MAPK8IP3: variants seen among roughly 807,000 people sequenced by gnomAD.
MAPK8IP3 encodes mitogen-activated protein kinase 8 interacting protein 3.
Under a neutral mutation model 157.8 loss-of-function variants are expected in MAPK8IP3, and 49 were observed. That is an observed-to-expected ratio of 0.31 (90% CI 0.25 to 0.39). The LOEUF (loss-of-function observed/expected upper bound fraction) is 0.39. MAPK8IP3 is among the 10% of genes least tolerant of loss of function. The probability of loss-of-function intolerance (pLI) is 1.00; values close to 1 mark genes in which losing one functional copy is unlikely to be tolerated. For missense variants in MAPK8IP3, 1,478 were observed against 1,889.4 expected, an observed-to-expected ratio of 0.78 and a Z score of 4.04; for synonymous variants, 897 against 777.7, an observed-to-expected ratio of 1.15 and a Z score of -2.55.
At position 1,741,201 on chromosome 16, in the gene MAPK8IP3, C is replaced by A. The variant is rs566491669; in HGVS notation, c.603-2131C>A. Among the ~76,000 whole-genome samples, 22 of 152,322 alleles carry A rather than the reference C, an allele frequency of 1.4e-4. No homozygotes were observed. In the East Asian group the frequency reaches 3.9e-3, roughly 27 times the overall value. ...AGCGTGACCCCCGAGGGTGGCGTGA[C>A]CCCTGGGGGTGGTGGTCTCTGAACT... On this transcript the variant is annotated intron_variant, in intron 4 of 31. Transcript: ENST00000610761. This position sits in a 1 kb window ranked among gnomAD's most constrained non-coding sequence, Gnocchi z 6.9.
At chr16:1,735,742 ACCGT>A (rs2039694228) in intron 4 of MAPK8IP3, among the ~76,000 whole-genome samples, 1 of 121,036 alleles carries the variant, frequency 8.3e-6, no homozygotes, top group Non-Finnish European at 1.7e-5. Flanking sequence ...TGAGAGTGTG[ACCGT>A]CCATGTGAGC....
intron 4 of MAPK8IP3, among the ~76,000 whole-genome samples, chr16:1,739,770 G>C (rs2040511344): frequency 8.1e-6 from 1 of 123,420 alleles, no homozygotes; most frequent in African/African-American, 3.2e-5. Context: ...GTCCATGTGA[G>C]CGTGTCACCG....
At chr16:1,735,504 AC>A (rs1309831390) in intron 4 of MAPK8IP3, among the ~76,000 whole-genome samples, 1 of 124,624 alleles carries the variant, frequency 8.0e-6, no homozygotes, top group African/African-American at 3.4e-5. Flanking sequence ...CGTCCGTGTG[AC>A]CATCCGTGTG....
chr16:1,761,534 G>C (rs541470149), intron 13 of MAPK8IP3, among the ~76,000 whole-genome samples: 3 of 143,446 alleles, frequency 2.1e-5, no homozygotes, highest in African/African-American at 8.1e-5. Flanking sequence ...ACCATTCACA[G>C]GCAGGGCGGC....
chr16:1,745,533 G>A (rs920657050), intron 5 of MAPK8IP3: 2 of 152,388 alleles, frequency 1.3e-5, no homozygotes, highest in Non-Finnish European at 2.9e-5. Context: ...AAGCCACTCC[G>A]GGAGGCGGGC....
chr16:1,720,592 C>A (rs1289397199), intron 1 of MAPK8IP3, among the ~76,000 whole-genome samples: 2 of 152,194 alleles, frequency 1.3e-5, no homozygotes, highest in Non-Finnish European at 2.9e-5. Flanking sequence ...GCACGTCACA[C>A]AATTTTAACC....
At position 1,768,373 on chromosome 16, in the gene MAPK8IP3, T is replaced by C. The variant is rs1327533663; in HGVS notation, c.3737T>C (p.Val1246Ala). ...GATGCCGTGAAGTTCTTTGTCTCGG[T>C]GCCAGGTGAGGCTGGGCCCCTCCTG... Reference protein sequence around the residue: ...HRDAVKFFVSVPGNVLATLNG... With the variant: ...HRDAVKFFVSAPGNVLATLNG... The change falls in exon 30 of 32, where the codon GTG becomes GCG. Residue 1246 changes from valine (V) to alanine (A), a missense_variant. Coordinates refer to ENST00000610761, the MANE Select transcript of MAPK8IP3 (RefSeq NM_001318852.2). The C allele has an allele frequency of 1.9e-6, 3 of 1,600,498 alleles. No homozygotes were observed. Among genetic ancestry groups the C allele is most frequent in the Non-Finnish European group, 1.7e-6 (2 of 1,179,182 alleles).
chr16:1,762,927 G>T lies in MAPK8IP3; in HGVS notation c.1819G>T (p.Ala607Ser). 6.2e-7 allele frequency: 1 copy of T among 1,612,980 alleles called. No homozygotes were observed. Residue 607 changes from alanine (A) to serine (S), a missense_variant, in exon 16 of 32, where the codon GCC (alanine) becomes TCC (serine). Around this residue, in one of 11 missense-constraint regions of MAPK8IP3, gnomAD observed 669 missense variants for 759.8 expected, o/e 0.88. Transcript: ENST00000610761. ...VNIHYKSPTTAGFSQRRNHAM... is the reference protein window; with the variant it reads ...VNIHYKSPTTSGFSQRRNHAM... ...CATCCACTACAAGTCACCCACCACTGCCGGCTTCAGCCAGCGCCGCAACCA... is the reference window on the plus strand; with the variant it reads ...CATCCACTACAAGTCACCCACCACTTCCGGCTTCAGCCAGCGCCGCAACCA...
chr16:1,750,117 G>T (rs2041204762), intron 8 of MAPK8IP3, among the ~76,000 whole-genome samples: 1 of 152,142 alleles, frequency 6.6e-6, no homozygotes, highest in Non-Finnish European at 1.5e-5. Flanking sequence ...ATCCAAAGGA[G>T]ATTAATCTTC....
At chr16:1,735,575 G>GTCCGTGTGACCATCCGTGTGAGCA (rs1172575698) in intron 4 of MAPK8IP3, among the ~76,000 whole-genome samples, 1 of 141,374 alleles carries the variant, frequency 7.1e-6, no homozygotes, top group African/African-American at 2.7e-5. Flanking sequence ...CCATGTGAGA[G>GTCCGTGTGACCATCCGTGTGAGCA]TCCGTGTGAC....
At chr16:1,725,984 C>T (rs1399349786) in intron 2 of MAPK8IP3, among the ~76,000 whole-genome samples, 5 of 152,202 alleles carry the variant, frequency 3.3e-5, no homozygotes, top group Admixed American at 3.3e-4. Flanking sequence ...GCGCCTGGCC[C>T]CAGATGTTTT....
chr16:1,739,140 C>A (rs1391211582), intron 4 of MAPK8IP3, among the ~76,000 whole-genome samples: 1 of 111,362 alleles, frequency 9.0e-6, no homozygotes, highest in African/African-American at 3.5e-5. Context: ...GTGTGACCGT[C>A]CGTGTGTGTG....
chr16:1,709,707 G>A (rs957211612), intron 1 of MAPK8IP3, among the ~76,000 whole-genome samples: 12 of 152,358 alleles, frequency 7.9e-5, no homozygotes, highest in African/African-American at 2.6e-4. Context: ...GCCTCCACAC[G>A]CACCGTCCGG....
intron 4 of MAPK8IP3, among the ~76,000 whole-genome samples, chr16:1,740,482 T>C (rs937626771): frequency 2.6e-5 from 4 of 151,772 alleles, no homozygotes; most frequent in African/African-American, 9.7e-5. Context: ...CGTGTGAGCA[T>C]CTGTGTGACC....
chr16:1,767,094 C>T (rs1024172005), intron 25 of MAPK8IP3, 55 bp from the exon 26 acceptor site: 5 of 1,602,470 alleles, frequency 3.1e-6, no homozygotes, highest in Non-Finnish European at 3.4e-6. Flanking sequence ...ACCCGATGCC[C>T]TGAGCAGAGG....
chr16:1,730,312 A>C (rs577168689), intron 4 of MAPK8IP3, among the ~76,000 whole-genome samples: 1 of 152,274 alleles, frequency 6.6e-6, no homozygotes, highest in East Asian at 1.9e-4. Context: ...AAGAATAAAC[A>C]ACAAAAAAGA....
chr16:1,763,106 C>T, intron 16 of MAPK8IP3, 100 bp downstream of exon 16: 4 of 1,479,854 alleles, frequency 2.7e-6, no homozygotes, highest in Non-Finnish European at 3.7e-6. Context: ...ACTTTGAGGG[C>T]AGCCTCCACC....
intron 8 of MAPK8IP3, among the ~76,000 whole-genome samples, chr16:1,750,587 T>C (rs770596872): frequency 5.3e-5 from 8 of 151,974 alleles, no homozygotes; most frequent in Non-Finnish European, 7.4e-5. Flanking sequence ...ATTTAAATAA[T>C]ATCAGCAAAT....
chr16:1,770,280 A>T lies in MAPK8IP3; in HGVS notation c.*1456A>T. 1.0e-5 allele frequency: 2 copies of T among 199,288 alleles called. No homozygotes were observed. The highest frequency in any genetic ancestry group is 2.3e-4 in the East Asian group (2 of 8,648). 12.3% of individuals were successfully genotyped at this position (199,288 alleles called of 1,614,324 possible). On this transcript the variant is annotated 3_prime_UTR_variant, in exon 32 of 32. Transcript: ENST00000610761. Reference sequence around the variant, plus strand: ...GCTTTGGCCCTGCAAGCAAACCCACATATCTGCTCTGTATGTAATAAATGT... The same window carrying T: ...GCTTTGGCCCTGCAAGCAAACCCACTTATCTGCTCTGTATGTAATAAATGT...
Sources: gnomAD v4.1 joint callset for allele counts (sites outside exome capture counted in the v4.1 genomes callset) on GRCh38, gnomAD v4.1.1 for gene constraint, gnomAD v4.1.1 regional missense constraint, Gnocchi (gnomAD v3.1) non-coding constraint, MANE v1.5 for transcripts, NCBI Gene and HGNC (gene_info 2026-07-23, HGNC 2026-07-21) for gene names.